SLC35F4: variants seen among roughly 807,000 people sequenced by gnomAD.
SLC35F4 encodes the protein chromosome 14 open reading frame 36.
A neutral mutation model predicts 44.2 loss-of-function variants in SLC35F4; 24 were observed. The ratio of observed to expected loss-of-function variants is 0.54; its 90% CI spans 0.39 to 0.76. SLC35F4 has a LOEUF of 0.76. SLC35F4 is among the 30% of genes least tolerant of loss of function. The probability of loss-of-function intolerance (pLI) is 0.00; values close to 1 mark genes in which losing one functional copy is unlikely to be tolerated. For synonymous variants in SLC35F4, 238 were observed against 223.6 expected, an observed-to-expected ratio of 1.06 and a Z score of -0.57; for missense variants, 562 against 586.1, an observed-to-expected ratio of 0.96 and a Z score of 0.42.
intron 1 of SLC35F4, among the ~76,000 whole-genome samples, chr14:57,842,277 A>C (rs960452810): frequency 3.3e-5 from 5 of 152,330 alleles, no homozygotes; most frequent in African/African-American, 1.2e-4. Context: ...TGAGGAAATT[A>C]GTTATTTCTC....
At chr14:57,696,437 G>C (rs978818505) in intron 1 of SLC35F4, among the ~76,000 whole-genome samples, 7 of 152,198 alleles carry the variant, frequency 4.6e-5, no homozygotes, top group African/African-American at 1.7e-4. Flanking sequence ...GCGAGGATGT[G>C]GAGAAATAGG....
At chr14:57,788,388 G>A (rs2077822791) in intron 1 of SLC35F4, among the ~76,000 whole-genome samples, 1 of 152,036 alleles carries the variant, frequency 6.6e-6, no homozygotes, top group African/African-American at 2.4e-5. Flanking sequence ...AGAAACAATG[G>A]ATTTAACTAT....
Position 57,578,325 on chromosome 14 carries a change from G to GTTTTTTTTTT in SLC35F4, c.807+2879_807+2888dup, listed in dbSNP as rs199785589. Among the ~76,000 whole-genome samples, 134 of 43,164 alleles carry GTTTTTTTTTT rather than the reference G, an allele frequency of 3.1e-3. 44 individuals are homozygous for GTTTTTTTTTT. Among genetic ancestry groups the GTTTTTTTTTT allele is most frequent in the Non-Finnish European group, 4.8e-3 (104 of 21,762 alleles). 28.3% of individuals were successfully genotyped at this position (43,164 alleles called of 152,430 possible). ...GATGACTGAAAGCATCCCTTTAACT[G>GTTTTTTTTTT]TTTTTTTTTTTTTTTTTTTTTTTTT... On this transcript the variant is annotated intron_variant, in intron 4 of 7. Coordinates refer to ENST00000556826, the MANE Select transcript of SLC35F4 (RefSeq NM_001306087.2).
At chr14:57,654,202 C>A (rs1247484442) in intron 1 of SLC35F4, among the ~76,000 whole-genome samples, 1 of 152,080 alleles carries the variant, frequency 6.6e-6, no homozygotes, top group Non-Finnish European at 1.5e-5. Context: ...TGAATTAGTT[C>A]TTTAGTGGCG....
intron 4 of SLC35F4, among the ~76,000 whole-genome samples, chr14:57,576,218 G>T (rs926424649): frequency 1.3e-5 from 2 of 152,140 alleles, no homozygotes; most frequent in Non-Finnish European, 2.9e-5. Context: ...GTTCCTTTAA[G>T]ATTTTAAAGG....
chr14:57,847,451 T>A (rs1260400567), intron 1 of SLC35F4, among the ~76,000 whole-genome samples: 1 of 152,210 alleles, frequency 6.6e-6, no homozygotes, highest in Non-Finnish European at 1.5e-5. Flanking sequence ...CTTCTGTTAC[T>A]TTGAAAATTC....
At chr14:57,621,753 A>G (rs1595076338) in intron 1 of SLC35F4, among the ~76,000 whole-genome samples, 1 of 151,058 alleles carries the variant, frequency 6.6e-6, no homozygotes, top group Non-Finnish European at 1.5e-5. Flanking sequence ...GGACACAGGC[A>G]TGGGCAAGGA....
intron 4 of SLC35F4, among the ~76,000 whole-genome samples, chr14:57,574,851 C>T (rs1180587989): frequency 6.6e-6 from 1 of 150,506 alleles, no homozygotes; most frequent in Admixed American, 6.6e-5. Context: ...ATCAGTCACA[C>T]ACATTTTCAG....
At chr14:57,780,962 C>T (rs2077605329) in intron 1 of SLC35F4, among the ~76,000 whole-genome samples, 1 of 152,010 alleles carries the variant, frequency 6.6e-6, no homozygotes, top group Non-Finnish European at 1.5e-5. Flanking sequence ...ACTATAAAAA[C>T]CCTGGAAGAA....
At chr14:57,867,826 A>G (rs74055824), upstream of SLC35F4, among the ~76,000 whole-genome samples, 557 of 152,298 alleles carry the variant, frequency 3.7e-3, 2 homozygotes, top group African/African-American at 0.013. Context: ...ATTAATATAT[A>G]TATCAGTAAG....
intron 1 of SLC35F4, among the ~76,000 whole-genome samples, chr14:57,854,240 C>T (rs1276407601): frequency 6.6e-6 from 1 of 152,016 alleles, no homozygotes; most frequent in Non-Finnish European, 1.5e-5. Flanking sequence ...AATAACAGTA[C>T]TTGTGTTAGG....
At chr14:57,956,410 C>T (rs1890239002) in intron 1 of SLC35F4, among the ~76,000 whole-genome samples, 1 of 152,128 alleles carries the variant, frequency 6.6e-6, no homozygotes, top group African/African-American at 2.4e-5. Context: ...ATACCAAAAG[C>T]AATGGCAACA....
At chr14:57,723,196 G>T (rs968878776) in intron 1 of SLC35F4, among the ~76,000 whole-genome samples, 3 of 152,128 alleles carry the variant, frequency 2.0e-5, no homozygotes, top group Non-Finnish European at 4.4e-5. Context: ...TGGGTCCCCA[G>T]ACTCATCCTG....
At chr14:57,815,245 C>A (rs745683473) in intron 1 of SLC35F4, among the ~76,000 whole-genome samples, 2 of 152,192 alleles carry the variant, frequency 1.3e-5, no homozygotes, top group Non-Finnish European at 2.9e-5. Context: ...TTCACCAATT[C>A]ACAGCCCAAC....
upstream of SLC35F4, among the ~76,000 whole-genome samples, chr14:57,982,551 G>C (rs553900842): frequency 5.9e-5 from 9 of 152,056 alleles, 1 homozygote; most frequent in Middle Eastern, 6.3e-3. Context: ...CAGAAGCAAA[G>C]GGCAGCTGGG....
chr14:57,754,921 G>C (rs1221403299), intron 1 of SLC35F4, among the ~76,000 whole-genome samples: 1 of 152,188 alleles, frequency 6.6e-6, no homozygotes, highest in Non-Finnish European at 1.5e-5. Context: ...AGGTTTGGAG[G>C]AGCCAGATGG....
chr14:57,666,206 C>T (rs2074303037), intron 1 of SLC35F4, among the ~76,000 whole-genome samples: 1 of 152,206 alleles, frequency 6.6e-6, no homozygotes, highest in Non-Finnish European at 1.5e-5. Flanking sequence ...AAACAATTTC[C>T]TCAGCATCAC....
chr14:57,961,330 A>C (rs1267468734), intron 1 of SLC35F4, among the ~76,000 whole-genome samples: 1 of 152,030 alleles, frequency 6.6e-6, no homozygotes, highest in African/African-American at 2.4e-5. Flanking sequence ...GGAAAGGGAA[A>C]ATTTTTGGCA....
In SLC35F4 at chr14:57,860,727, A is replaced by G. The variant is rs181491891; in HGVS notation, c.103+4996T>C. On this transcript the variant is annotated intron_variant, in intron 1 of 7. Transcript: ENST00000556826. ...TCCTTTCATTTGACTTATGGAAATG[A>G]ATTAAATTTCTTATAGCATACAAAC... Among the ~76,000 whole-genome samples, 60 of 152,328 alleles carry G rather than the reference A, an allele frequency of 3.9e-4. 1 individual carries two copies. In the South Asian group the frequency reaches 5.4e-3, roughly 14 times the overall value.
Sources: allele counts gnomAD v4.1 joint callset (sites outside exome capture counted in the v4.1 genomes callset), GRCh38; gene constraint gnomAD v4.1.1; transcripts MANE v1.5; gene names NCBI Gene and HGNC (gene_info 2026-07-23, HGNC 2026-07-21).